Variants in FNDC1 observed in about 807,000 individuals in gnomAD.
FNDC1 encodes the protein fibronectin type III domain containing 1, also known as fibronectin type III domain-containing protein 1.
In FNDC1, 96 loss-of-function variants were observed where a neutral mutation model predicts 168.0. The ratio of observed to expected loss-of-function variants is 0.57; its 90% CI spans 0.48 to 0.68. The LOEUF (loss-of-function observed/expected upper bound fraction) is 0.68, where lower values mean the gene tolerates loss of function less well. Ranked by LOEUF, FNDC1 falls within the 30% of genes least tolerant of loss-of-function variation. The pLI is 0.00. For missense variants in FNDC1, 2,587 were observed against 2,482.1 expected (o/e 1.04, Z -0.90); for synonymous variants, 1,099 against 1,025.9 (o/e 1.07, Z -1.36).
intron 1 of FNDC1, among the ~76,000 whole-genome samples, chr6:159,176,960 G>A (rs1009172926): frequency 1.3e-5 from 2 of 152,180 alleles, no homozygotes; most frequent in Non-Finnish European, 2.9e-5. Flanking sequence ...CATGTTTTCT[G>A]AAATGGCTCG....
chr6:159,236,325 ACTT>A lies in FNDC1; in HGVS notation c.4068+14_4068+16del. 3.8e-6 allele frequency: 6 copies of A among 1,560,926 alleles called. No individual in the cohort carries two copies. Among genetic ancestry groups the A allele is most frequent in the Non-Finnish European group, 5.3e-6 (6 of 1,132,420 alleles). On this transcript the variant is annotated intron_variant, in intron 12 of 22. Transcript: ENST00000297267. ...TCAAGGAACAAAGTGGGTAGGGTAA[ACTT>A]CTTTACACATCCCCGTTGTTTTCAT...
chr6:159,261,824 A>G (rs536669117), intron 19 of FNDC1, among the ~76,000 whole-genome samples: 1 of 152,310 alleles, frequency 6.6e-6, no homozygotes, highest in South Asian at 2.1e-4. Context: ...GTTCCTGGTC[A>G]GGGGTGGTGG....
At chr6:159,170,059 C>G (rs1269315967) in intron 1 of FNDC1, 1 of 154,068 alleles carries the variant, frequency 6.5e-6, no homozygotes, top group Admixed American at 6.5e-5. Flanking sequence ...CAGAATTTCT[C>G]GGGAGCGTAG....
At chr6:159,269,585 GTCTGTCTGTCTGTCTATCTATCTATCTA>G (rs1562316226) in intron 22 of FNDC1, among the ~76,000 whole-genome samples, 3 of 90,512 alleles carry the variant, frequency 3.3e-5, no homozygotes, top group African/African-American at 1.5e-4. Context: ...CTATCTGTCT[GTCTGTCTGTCTGTCTATCTATCTATCTA>G]TCTATCTATC....
chr6:159,219,338 G>C (rs1782773215), intron 5 of FNDC1, among the ~76,000 whole-genome samples: 1 of 152,186 alleles, frequency 6.6e-6, no homozygotes, highest in Non-Finnish European at 1.5e-5. Flanking sequence ...CACCTCACCC[G>C]GCCATTTCCC....
chr6:159,245,489 T>G (rs986934646), intron 14 of FNDC1, among the ~76,000 whole-genome samples: 8 of 152,182 alleles, frequency 5.3e-5, no homozygotes, highest in African/African-American at 1.9e-4. Flanking sequence ...CCTACAATTT[T>G]TTTTTTAGCT....
At chr6:159,268,672 C>G (rs933423530) in intron 22 of FNDC1, among the ~76,000 whole-genome samples, 3 of 150,644 alleles carry the variant, frequency 2.0e-5, no homozygotes, top group African/African-American at 7.4e-5. Context: ...CCATCCATCT[C>G]TCTATCCATC....
chr6:159,247,076 T>A, intron 15 of FNDC1, 107 bp downstream of exon 15: 4 of 890,056 alleles, frequency 4.5e-6, no homozygotes, highest in Non-Finnish European at 7.3e-6. Flanking sequence ...CTTTAGAGCT[T>A]TGGGCCGGTG....
Position 159,233,836 on chromosome 6 carries a change from C to G in FNDC1, c.3324C>G (p.Pro1108=). 1 of 1,543,506 alleles carries G rather than the reference C, an allele frequency of 6.5e-7. No individual in the cohort carries two copies. Among genetic ancestry groups the G allele is most frequent in the Non-Finnish European group, 8.7e-7 (1 of 1,143,776 alleles). The change falls in exon 11 of 23, where the codon CCC becomes CCG. Residue 1108 remains proline, a synonymous_variant. Coordinates refer to ENST00000297267, the MANE Select transcript of FNDC1 (RefSeq NM_032532.3). This position sits in a 1 kb window ranked among gnomAD's most constrained non-coding sequence, Gnocchi z 4.6. ...ARAKEAAASL[P]KHQQVESPTG... ...CCAAGGAGGCAGCTGCGTCCCTTCC[C>G]AAGCACCAGCAGGTGGAGTCTCCCA...
intron 14 of FNDC1, among the ~76,000 whole-genome samples, chr6:159,246,335 C>A (rs1324309091): frequency 6.6e-6 from 1 of 152,102 alleles, no homozygotes; most frequent in Non-Finnish European, 1.5e-5. Flanking sequence ...GTAGAGTTTG[C>A]CAAGTTGGGA....
At chr6:159,177,176 G>T (rs374731312) in intron 1 of FNDC1, among the ~76,000 whole-genome samples, 1 of 152,078 alleles carries the variant, frequency 6.6e-6, no homozygotes, top group South Asian at 2.1e-4. Flanking sequence ...GTTCATGGGC[G>T]GGGAGTGGTA....
At chr6:159,195,117 T>C (rs1205295360) in intron 1 of FNDC1, among the ~76,000 whole-genome samples, 3 of 152,038 alleles carry the variant, frequency 2.0e-5, no homozygotes, top group African/African-American at 4.8e-5. Context: ...TATAAGGAGA[T>C]TGACGGTAAG....
chr6:159,206,441 C>T (rs1032818924), intron 4 of FNDC1, among the ~76,000 whole-genome samples: 1 of 152,216 alleles, frequency 6.6e-6, no homozygotes, highest in African/African-American at 2.4e-5. Flanking sequence ...ACTCATCTTC[C>T]TATCTCCAGA....
At chr6:159,238,499 A>C in intron 12 of FNDC1, 55 bp from the exon 13 acceptor site, 1 of 1,231,632 alleles carries the variant, frequency 8.1e-7, no homozygotes, top group Non-Finnish European at 1.2e-6. Flanking sequence ...TAATTGGACT[A>C]ATGTGATCAT....
chr6:159,269,405 GTA>G, intron 22 of FNDC1, among the ~76,000 whole-genome samples: 1 of 8,318 alleles, frequency 1.2e-4, no homozygotes, highest in South Asian at 2.6e-3. Context: ...ATCTGTCTAT[GTA>G]TGTATGTATG....
Position 159,233,917 on chromosome 6 carries a change from C to G in FNDC1, c.3405C>G (p.Pro1135=), listed in dbSNP as rs1427906384. ...CCCAGCGCGGACATGCGGCCTCCCC[C>G]GCCAGGCCCAGCCGACCCGGCGGCC... The part of the protein sequence containing the change: ...HRSQRGHAAS[P]ARPSRPGGPQ... Residue 1135 remains proline, a synonymous_variant, in exon 11 of 23, where the codon CCC becomes CCG. Transcript: ENST00000297267. The surrounding 1 kb of genome is among the most constrained non-coding windows in gnomAD (Gnocchi z 4.6). 2 of 1,549,052 alleles carry G rather than the reference C, an allele frequency of 1.3e-6. No individual in the cohort carries two copies. Among genetic ancestry groups the G allele is most frequent in the Non-Finnish European group, 1.7e-6 (2 of 1,146,122 alleles).
At chr6:159,256,764 T>C in intron 18 of FNDC1, 133 bp downstream of exon 18, 1 of 682,864 alleles carries the variant, frequency 1.5e-6, no homozygotes, top group Non-Finnish European at 2.6e-6. Flanking sequence ...TCTAATAGAA[T>C]GTCAATGCAT....
intron 5 of FNDC1, among the ~76,000 whole-genome samples, chr6:159,217,179 G>C (rs1034319994): frequency 1.3e-5 from 2 of 152,258 alleles, no homozygotes; most frequent in African/African-American, 4.8e-5. Context: ...GATGAGACCA[G>C]ACAAGGGCGT....
chr6:159,232,997 G>A lies in FNDC1; in HGVS notation c.2485G>A (p.Gly829Arg). Residue 829 changes from glycine (G) to arginine (R), a missense_variant, in exon 11 of 23, where the codon GGG becomes AGG. Physicochemically the swap from Gly to Arg is moderately radical, Grantham distance 125. Transcript: ENST00000297267. This position sits in a 1 kb window ranked among gnomAD's most constrained non-coding sequence, Gnocchi z 4.9. ...CAGACACAAACCCTTTGCTGCCAAC[G>A]GGAGGTCTCCAAGCAGGTTCAGCAT... The part of the protein sequence containing the change: ...LLRHKPFAAN[G>R]RSPSRFSIGR... 1.2e-6 allele frequency: 2 copies of A among 1,612,424 alleles called. No homozygotes were observed. Among genetic ancestry groups the A allele is most frequent in the Non-Finnish European group, 1.7e-6 (2 of 1,179,638 alleles).
Sources: gnomAD v4.1 joint callset for allele counts (sites outside exome capture counted in the v4.1 genomes callset) on GRCh38, gnomAD v4.1.1 for gene constraint, Gnocchi (gnomAD v3.1) non-coding constraint, MANE v1.5 for transcripts, NCBI Gene and HGNC (gene_info 2026-07-23, HGNC 2026-07-21) for gene names.